Variants in EPB41L4B observed in about 807,000 individuals in gnomAD.
EPB41L4B encodes the protein band 4.1-like protein 4B.
In EPB41L4B, 30 loss-of-function variants were observed where a neutral mutation model predicts 112.5. That is an observed-to-expected ratio of 0.27 (90% CI 0.20 to 0.36). EPB41L4B has a LOEUF of 0.36. EPB41L4B is among the 10% of genes least tolerant of loss of function. The pLI is 1.00. For synonymous variants in EPB41L4B, 408 were observed against 439.7 expected, an observed-to-expected ratio of 0.93 and a Z score of 0.90; for missense variants, 1,024 against 1,133.3, an observed-to-expected ratio of 0.90 and a Z score of 1.38.
chr9:109,277,994 T>C (rs1001823268), intron 2 of EPB41L4B, among the ~76,000 whole-genome samples: 2 of 151,956 alleles, frequency 1.3e-5, no homozygotes, highest in Non-Finnish European at 2.9e-5. Flanking sequence ...GTCCAGAATA[T>C]GTAGGAGGGC....
At chr9:109,233,286 T>G (rs1013861661) in intron 15 of EPB41L4B, among the ~76,000 whole-genome samples, 1 of 152,132 alleles carries the variant, frequency 6.6e-6, no homozygotes, top group Non-Finnish European at 1.5e-5. Context: ...TATTGAAACT[T>G]TAATTGTAAC....
chr9:109,189,089 C>G (rs2118664677), intron 22 of EPB41L4B, among the ~76,000 whole-genome samples: 1 of 152,274 alleles, frequency 6.6e-6, no homozygotes, highest in East Asian at 1.9e-4. Context: ...AAGAAAATAC[C>G]AACTGGAGAG....
chr9:109,244,354 T>G (rs1222174663), intron 14 of EPB41L4B, among the ~76,000 whole-genome samples: 2 of 133,952 alleles, frequency 1.5e-5, no homozygotes, highest in Admixed American at 8.2e-5. Flanking sequence ...GGAAGGCAGG[T>G]AGGGAAAGAG....
chr9:109,180,402 T>TTCCAGCTGGGGAGCTGTG (rs1832013046), intron 24 of EPB41L4B, among the ~76,000 whole-genome samples: 1 of 152,178 alleles, frequency 6.6e-6, no homozygotes, highest in Non-Finnish European at 1.5e-5. Flanking sequence ...GAGCCGGAGC[T>TTCCAGCTGGGGAGCTGTG]TCCAGCTGGG....
chr9:109,299,082 T>C (rs1836854104), intron 1 of EPB41L4B, among the ~76,000 whole-genome samples: 1 of 152,176 alleles, frequency 6.6e-6, no homozygotes, highest in South Asian at 2.1e-4. Context: ...GGGGACATTC[T>C]AACGAGCGAA....
chr9:109,185,360 G>A lies in EPB41L4B; in HGVS notation c.2418+129C>T, dbSNP rs147599853. ...AAATCCTCCATCCATCTGGAGTGAG[G>A]GCACCTGTCGATGGGCTCTGCCCGA... On this transcript the variant is annotated intron_variant, in intron 23 of 25. Coordinates refer to ENST00000374566, the MANE Select transcript of EPB41L4B (RefSeq NM_019114.5). 13 of 732,642 alleles carry A rather than the reference G, an allele frequency of 1.8e-5. No homozygotes were observed. The East Asian group carries it at 3.4e-4, about 19-fold the overall frequency. 45.4% of individuals were successfully genotyped at this position (732,642 alleles called of 1,614,324 possible).
chr9:109,221,135 G>C (rs931575204), intron 15 of EPB41L4B, among the ~76,000 whole-genome samples: 4 of 152,016 alleles, frequency 2.6e-5, no homozygotes, highest in Non-Finnish European at 5.9e-5. Context: ...TACTGTGCTA[G>C]CTATTTTACA....
intron 1 of EPB41L4B, among the ~76,000 whole-genome samples, chr9:109,307,767 A>G (rs1422462679): frequency 6.6e-6 from 1 of 152,092 alleles, no homozygotes; most frequent in Non-Finnish European, 1.5e-5. Flanking sequence ...CATGGGCAGG[A>G]GAGCTGGAGA....
Position 109,207,945 on chromosome 9 carries a change from A to G in EPB41L4B, c.1857T>C (p.Asn619=), listed in dbSNP as rs745457784. The G allele has an allele frequency of 2.0e-5, 33 of 1,613,978 alleles. No individual in the cohort carries two copies. The highest frequency in any genetic ancestry group is 3.3e-4 in the Middle Eastern group (2 of 6,084). Residue 619 remains asparagine, a synonymous_variant, in exon 18 of 26, where the codon AAT becomes AAC. Coordinates refer to ENST00000374566, the MANE Select transcript of EPB41L4B (RefSeq NM_019114.5). ...GCACCTGGATGTTCACTCGGGAAGC[A>G]TTTTCCAACTGGGCTTTCAGAATGT... ...KCNILKAQLE[N]ASRVNIQGGK... is the part of the protein sequence containing the mutation.
At chr9:109,258,909 C>A (rs183149911) in intron 6 of EPB41L4B, among the ~76,000 whole-genome samples, 1 of 152,124 alleles carries the variant, frequency 6.6e-6, no homozygotes, top group African/African-American at 2.4e-5. Flanking sequence ...ACGAGTGATC[C>A]GAGCAAGAAG....
At chr9:109,253,111 A>G (rs572626588) in intron 12 of EPB41L4B, among the ~76,000 whole-genome samples, 13 of 152,336 alleles carry the variant, frequency 8.5e-5, no homozygotes, top group Middle Eastern at 3.4e-3. Context: ...GAGATACAGT[A>G]TCTTCTATAG....
intron 15 of EPB41L4B, among the ~76,000 whole-genome samples, chr9:109,233,899 T>C (rs928557388): frequency 6.6e-6 from 1 of 152,188 alleles, no homozygotes; most frequent in African/African-American, 2.4e-5. Flanking sequence ...TTCCTCACTA[T>C]TATAAATGCT....
rs756177520 is a variant in EPB41L4B, at chr9:109,267,516, A to G, written c.490T>C (p.Tyr164His). The G allele has an allele frequency of 6.2e-7, 1 of 1,613,730 alleles. No individual in the cohort carries two copies. The highest frequency in any genetic ancestry group is 1.1e-5 in the South Asian group (1 of 91,056). The change falls in exon 4 of 26, where the codon TAC (tyrosine) becomes CAC (histidine). Residue 164 changes from tyrosine (Y) to histidine (H), a missense_variant. By Grantham distance (83) the Tyr-to-His change is moderately conservative. Coordinates refer to ENST00000374566, the MANE Select transcript of EPB41L4B (RefSeq NM_019114.5). ...AGGTTGTTTGGTTCTGAAGAATAGTATTTAACTCGAAAGTGTAAAGCATAA... is the reference window on the plus strand; with the variant it reads ...AGGTTGTTTGGTTCTGAAGAATAGTGTTTAACTCGAAAGTGTAAAGCATAA... Reference protein sequence around the residue: ...PAYALHFRVKYYSSEPNNLRE... With the variant: ...PAYALHFRVKHYSSEPNNLRE...
chr9:109,213,998 G>C (rs1294209851), intron 16 of EPB41L4B, among the ~76,000 whole-genome samples, 180 bp from the exon 17 acceptor site: 1 of 152,188 alleles, frequency 6.6e-6, no homozygotes, highest in Non-Finnish European at 1.5e-5. Context: ...TGAGGTCAAG[G>C]TTTCAAGGCT....
At chr9:109,269,384 A>G (rs1239290991) in intron 2 of EPB41L4B, among the ~76,000 whole-genome samples, 1 of 152,192 alleles carries the variant, frequency 6.6e-6, no homozygotes, top group Non-Finnish European at 1.5e-5. Flanking sequence ...TGCCTCACAC[A>G]AAAGTTTCTC....
chr9:109,234,961 C>A (rs2118925196), intron 15 of EPB41L4B, among the ~76,000 whole-genome samples: 1 of 152,318 alleles, frequency 6.6e-6, no homozygotes, highest in Middle Eastern at 3.4e-3. Context: ...AATCTTCCTC[C>A]AATTCGTCTA....
chr9:109,277,536 C>T (rs1037538599), intron 2 of EPB41L4B, among the ~76,000 whole-genome samples: 1 of 152,126 alleles, frequency 6.6e-6, no homozygotes, highest in Admixed American at 6.5e-5. Flanking sequence ...GGGAGCAGCT[C>T]GGGAGCTTGG....
In EPB41L4B at chr9:109,291,583, G is replaced by A. The variant is rs10979807; in HGVS notation, c.307-11662C>T. On this transcript the variant is annotated intron_variant, in intron 1 of 25. Coordinates refer to ENST00000374566, the MANE Select transcript of EPB41L4B (RefSeq NM_019114.5). ...CTGGTAAAACAGAGCACATGTTATT[G>A]ATTTCCTGACTTGCCAGGCTAACAA... Among the ~76,000 whole-genome samples, 957 of 152,304 alleles carry A rather than the reference G, an allele frequency of 6.3e-3. 24 individuals carry two copies. In the East Asian group the frequency reaches 0.093, roughly 15 times the overall value.
rs561460021 is a variant in EPB41L4B at position 109,256,426 on chromosome 9, C to T, written c.807G>A (p.Leu269=). Residue 269 remains leucine (L), a synonymous_variant, in exon 8 of 26, where the codon CTG becomes CTA. Coordinates refer to ENST00000374566, the MANE Select transcript of EPB41L4B (RefSeq NM_019114.5). The part of the protein sequence containing the change: ...ELSYLNKAKW[L]EMYGVDMHVV... ...CGTGCATGTCTACCCCATACATTTCCAGCCACTTCGCTTTATTCAGATAGG... is the reference window on the plus strand; with the variant it reads ...CGTGCATGTCTACCCCATACATTTCTAGCCACTTCGCTTTATTCAGATAGG... 6.2e-7 allele frequency: 1 copy of T among 1,614,226 alleles called. No homozygotes were observed. The highest frequency in any genetic ancestry group is 1.7e-5 in the Admixed American group (1 of 60,030).
Sources: allele counts gnomAD v4.1 joint callset (sites outside exome capture counted in the v4.1 genomes callset), GRCh38; gene constraint gnomAD v4.1.1; transcripts MANE v1.5; gene names NCBI Gene and HGNC (gene_info 2026-07-23, HGNC 2026-07-21).